The following ZNF124 variants were observed in gnomAD, a reference collection of about 807,000 sequenced individuals.
ZNF124 encodes the protein zinc finger protein 124, also known as zinc finger protein HZF-16.
In ZNF124, 25 loss-of-function variants were observed where a neutral mutation model predicts 26.6. The ratio of observed to expected loss-of-function variants is 0.94; its 90% CI spans 0.68 to 1.31. ZNF124 has a LOEUF of 1.31. Ranked by LOEUF, ZNF124 falls within the 40% of genes most tolerant of loss-of-function variation. ZNF124 has a pLI of 0.00. For synonymous variants in ZNF124, 129 were observed against 133.3 expected, an observed-to-expected ratio of 0.97 and a Z score of 0.22; for missense variants, 444 against 422.2, an observed-to-expected ratio of 1.05 and a Z score of -0.45.
intron 3 of ZNF124, among the ~76,000 whole-genome samples, chr1:247,128,755 T>C (rs1471378701): frequency 6.7e-6 from 1 of 148,406 alleles, no homozygotes; most frequent in African/African-American, 2.5e-5. Flanking sequence ...AGAACAGCTA[T>C]TCCAAAGTAC....
In ZNF124 at chr1:247,156,547, A is replaced by C. The variant is rs1393313062; in HGVS notation, c.*19T>G. ...GTGACTGTTCATGTTTTTGACAAAAACTGTAGTGATTAAAGCCTTTACATT... is the reference window on the plus strand; with the variant it reads ...GTGACTGTTCATGTTTTTGACAAAACCTGTAGTGATTAAAGCCTTTACATT... On this transcript the variant is annotated 3_prime_UTR_variant, in exon 4 of 4. Transcript: ENST00000543802. The C allele has an allele frequency of 2.0e-6, 3 of 1,510,066 alleles. No homozygotes were observed. The African/African-American group carries it at 4.2e-5, about 21-fold the overall frequency. 93.5% of individuals were successfully genotyped at this position (1,510,066 alleles called of 1,614,324 possible). A position where few individuals can be genotyped will look rare whatever the true frequency, so the allele number is the denominator to read the frequency against.
chr1:247,162,162 G>T (rs76962482), intron 1 of ZNF124, among the ~76,000 whole-genome samples: 14,507 of 152,118 alleles, frequency 0.095, 847 homozygotes, highest in Admixed American at 0.16. Flanking sequence ...AAAAACACAC[G>T]TAAGTACATA....
intron 3 of ZNF124, among the ~76,000 whole-genome samples, chr1:247,145,026 G>C (rs557226169): frequency 2.6e-5 from 4 of 152,034 alleles, no homozygotes; most frequent in African/African-American, 9.7e-5. Context: ...CACCCGCCTC[G>C]GCCTCCCAAA....
exon 4 of ZNF124, chr1:247,123,856 G>A (rs1213844487): frequency 4.3e-6 from 3 of 702,286 alleles, no homozygotes; most frequent in Non-Finnish European, 7.8e-6. Flanking sequence ...GTCTTGGAAA[G>A]TTATATAAAC....
chr1:247,143,080 C>T lies in ZNF124; in HGVS notation c.218+15926G>A, dbSNP rs1251215994. Among the ~76,000 whole-genome samples, 5 of 152,036 alleles carry T rather than the reference C, an allele frequency of 3.3e-5. No homozygotes were observed. In the South Asian group the frequency reaches 6.2e-4, roughly 19 times the overall value. On this transcript the variant is annotated intron_variant, in intron 3 of 3. Coordinates refer to the ZNF124 transcript ENST00000472531. ...CATGTGAGAGAGAGAGCTATTTTCT[C>T]CTCACTTCTATTTCATCTCCATCCT...
At chr1:247,154,712 A>G (rs897479892), downstream of ZNF124, among the ~76,000 whole-genome samples, 3 of 152,142 alleles carry the variant, frequency 2.0e-5, no homozygotes. Flanking sequence ...TCTAAAAGTC[A>G]ATTTGGCTGG....
At chr1:247,159,910 CATTT>C in intron 1 of ZNF124, 97 bp from the exon 2 acceptor site, 2 of 1,347,640 alleles carry the variant, frequency 1.5e-6, no homozygotes, top group Non-Finnish European at 2.0e-6. Context: ...CTGTGGCGAA[CATTT>C]ATTCTACTAT....
At chr1:247,123,011 G>C (rs1672116187) in exon 4 of ZNF124, 1 of 152,196 alleles carries the variant, frequency 6.6e-6, no homozygotes, top group African/African-American at 2.4e-5. Flanking sequence ...GTGGTTTGAT[G>C]CCTGGAGGTG....
rs1397127541 is a variant in ZNF124, at chr1:247,122,213, CTTA to C, written c.*1652_*1654del. The C allele has an allele frequency of 3.3e-5, 5 of 152,150 alleles. No homozygotes were observed. The South Asian group carries it at 8.3e-4, about 25-fold the overall frequency. The allele number at this position is 152,150 out of a possible 1,614,324, so 9.4% of individuals were successfully genotyped here. The stretch of plus-strand genomic sequence containing the variant: ...ATTTGATGAATCAGATGAATCAGTA[CTTA>C]TTTAGTTCATACAATGTGTTAGTCA... On this transcript the variant is annotated 3_prime_UTR_variant, in exon 4 of 4. Transcript: ENST00000472531.
intron 3 of ZNF124, among the ~76,000 whole-genome samples, chr1:247,146,040 C>T (rs992491411): frequency 2.0e-5 from 3 of 152,174 alleles, no homozygotes; most frequent in African/African-American, 7.2e-5. Flanking sequence ...ATGCAAAAGA[C>T]CAAACAGCTA....
At chr1:247,162,514 G>A (rs758080643) in intron 1 of ZNF124, among the ~76,000 whole-genome samples, 8 of 150,424 alleles carry the variant, frequency 5.3e-5, no homozygotes, top group Admixed American at 1.3e-4. Flanking sequence ...CTAGGTTTGC[G>A]TAAGTACACG....
At chr1:247,158,621 T>C (rs753165498) in intron 3 of ZNF124, among the ~76,000 whole-genome samples, 2 of 152,140 alleles carry the variant, frequency 1.3e-5, no homozygotes, top group Non-Finnish European at 2.9e-5. Context: ...TAATTTATTT[T>C]GTTTGCTTGG....
intron 3 of ZNF124, among the ~76,000 whole-genome samples, chr1:247,144,616 TAACCCAAG>T (rs546163065): frequency 6.6e-6 from 1 of 152,232 alleles, no homozygotes; most frequent in Admixed American, 6.5e-5. Context: ...AGCTGAATCC[TAACCCAAG>T]GAGGACTGAG....
chr1:247,130,837 G>A (rs1672338723), intron 3 of ZNF124, among the ~76,000 whole-genome samples: 1 of 152,188 alleles, frequency 6.6e-6, no homozygotes, highest in Admixed American at 6.5e-5. Flanking sequence ...CAGCACTTTG[G>A]GAGGCCGAGG....
At chr1:247,163,517 A>G (rs1266674178) in intron 1 of ZNF124, among the ~76,000 whole-genome samples, 1 of 151,970 alleles carries the variant, frequency 6.6e-6, no homozygotes, top group East Asian at 1.9e-4. Flanking sequence ...AAACATCTCT[A>G]TGCATACAGG....
intron 3 of ZNF124, among the ~76,000 whole-genome samples, chr1:247,131,300 G>A (rs996433483): frequency 1.3e-5 from 2 of 152,154 alleles, no homozygotes; most frequent in African/African-American, 4.8e-5. Flanking sequence ...CCATGGAGCT[G>A]TGCAACCCAC....
chr1:247,148,462 T>C (rs1202753314), intron 3 of ZNF124, among the ~76,000 whole-genome samples: 2 of 152,210 alleles, frequency 1.3e-5, no homozygotes, highest in East Asian at 3.8e-4. Context: ...GACTGTCAAC[T>C]TCATGGATAT....
chr1:247,152,317 AAATAT>A (rs1172447619), downstream of ZNF124, among the ~76,000 whole-genome samples: 3 of 149,778 alleles, frequency 2.0e-5, no homozygotes, highest in East Asian at 1.9e-4. Context: ...AAATATAAAT[AAATAT>A]AATAAATAAC....
intron 3 of ZNF124, among the ~76,000 whole-genome samples, chr1:247,149,117 G>A (rs1672861059): frequency 6.6e-6 from 1 of 152,104 alleles, no homozygotes; most frequent in Non-Finnish European, 1.5e-5. Flanking sequence ...CATCCTTCAA[G>A]TCTGTTTCTT....
Sources: gnomAD v4.1 joint callset for allele counts (sites outside exome capture counted in the v4.1 genomes callset) on GRCh38, gnomAD v4.1.1 for gene constraint, MANE v1.5 for transcripts, NCBI Gene and HGNC (gene_info 2026-07-23, HGNC 2026-07-21) for gene names.